TTBK2: variants seen among roughly 807,000 people sequenced by gnomAD.
TTBK2 encodes tau tubulin kinase 2.
Under a neutral mutation model 110.8 loss-of-function variants are expected in TTBK2, and 28 were observed. The observed-to-expected ratio is 0.25, with a 90% CI of 0.19 to 0.35. The LOEUF is 0.35. Among genes scored for constraint, TTBK2 ranks in the 10% least tolerant of loss-of-function variants. The pLI is 1.00. For missense variants in TTBK2, 1,369 were observed against 1,500.3 expected (o/e 0.91, Z 1.45); for synonymous variants, 532 against 527.3 (o/e 1.01, Z -0.12).
intron 13 of TTBK2, among the ~76,000 whole-genome samples, chr15:42,756,848 A>G (rs1192689579): frequency 6.6e-6 from 1 of 151,608 alleles, no homozygotes; most frequent in Non-Finnish European, 1.5e-5. Flanking sequence ...CCTGGGCAAC[A>G]TAGCAATACC....
intron 14 of TTBK2, among the ~76,000 whole-genome samples, chr15:42,746,722 T>A (rs553688292): frequency 1.7e-4 from 26 of 152,240 alleles, no homozygotes; most frequent in Admixed American, 5.9e-4. Context: ...TTTTTTTTTT[T>A]AATTTTCTTT....
chr15:42,891,612 C>T (rs1364567566), intron 1 of TTBK2, among the ~76,000 whole-genome samples: 1 of 152,044 alleles, frequency 6.6e-6, no homozygotes, highest in Non-Finnish European at 1.5e-5. Flanking sequence ...GGGTGGTGTA[C>T]CCTGGCTCCA....
chr15:42,815,958 A>AAAATATATATATATATATATATAT lies in TTBK2; in HGVS notation c.603+1073_603+1074insATATATATATATATATATATATTT, dbSNP rs71108183. On this transcript the variant is annotated intron_variant, in intron 7 of 14. Coordinates refer to ENST00000267890, the MANE Select transcript of TTBK2 (RefSeq NM_173500.4). ...TATATATATATATATTTAAAAAAAA[A>AAAATATATATATATATATATATAT]ATATATATATATATATATATTTGAG... 1.1e-4 allele frequency among the ~76,000 whole-genome samples: 10 copies of AAAATATATATATATATATATATAT among 91,690 alleles called. 1 individual carries two copies. The highest frequency in any genetic ancestry group is 5.6e-4 in the African/African-American group (9 of 16,138). The allele number at this position is 91,690 out of a possible 152,430, so 60.2% of individuals were successfully genotyped here. A position where few individuals can be genotyped will look rare whatever the true frequency, so the allele number is the denominator to read the frequency against.
chr15:42,832,135 C>T (rs565644146), intron 4 of TTBK2, among the ~76,000 whole-genome samples: 4 of 152,100 alleles, frequency 2.6e-5, no homozygotes, highest in East Asian at 1.9e-4. Flanking sequence ...GCACCTGTAG[C>T]GAACGTTAAA....
chr15:42,845,684 T>C (rs2141029793), intron 3 of TTBK2, among the ~76,000 whole-genome samples: 1 of 146,998 alleles, frequency 6.8e-6, no homozygotes, highest in Middle Eastern at 3.5e-3. Flanking sequence ...ATTTTCCATG[T>C]AAGCTAGGCA....
intron 13 of TTBK2, among the ~76,000 whole-genome samples, chr15:42,766,553 T>G (rs905465939): frequency 1.1e-4 from 17 of 148,130 alleles, no homozygotes; most frequent in African/African-American, 4.3e-4. Flanking sequence ...TACACAATGG[T>G]AAAGGGATCA....
chr15:42,788,401 T>C (rs1428579827), intron 10 of TTBK2, among the ~76,000 whole-genome samples: 1 of 152,170 alleles, frequency 6.6e-6, no homozygotes, highest in African/African-American at 2.4e-5. Context: ...AACATACATA[T>C]GATCTACCTT....
chr15:42,895,618 A>T (rs1446903861), intron 1 of TTBK2, among the ~76,000 whole-genome samples: 1 of 151,804 alleles, frequency 6.6e-6, no homozygotes, highest in Non-Finnish European at 1.5e-5. Context: ...GCTCACTGCA[A>T]GTTCCGCCTC....
chr15:42,840,339 T>C (rs749538601), intron 4 of TTBK2, 21 bp downstream of exon 4: 3 of 1,604,074 alleles, frequency 1.9e-6, no homozygotes, highest in Non-Finnish European at 1.7e-6. Flanking sequence ...AATTTAAAGA[T>C]ACGTTTTCAA....
At chr15:42,891,172 CTTTTTTTTTTT>C (rs758372860) in intron 1 of TTBK2, among the ~76,000 whole-genome samples, 1 of 125,746 alleles carries the variant, frequency 8.0e-6, no homozygotes, top group Non-Finnish European at 1.7e-5. Flanking sequence ...CCATGCCCGA[CTTTTTTTTTTT>C]TTTTTTTTTT....
chr15:42,920,116 G>A (rs530555460), intron 1 of TTBK2, among the ~76,000 whole-genome samples: 1 of 152,164 alleles, frequency 6.6e-6, no homozygotes, highest in African/African-American at 2.4e-5. Context: ...TACCAGAAGT[G>A]GCATGGGTAC....
At chr15:42,765,453 G>A (rs1469090983) in intron 13 of TTBK2, among the ~76,000 whole-genome samples, 3 of 152,146 alleles carry the variant, frequency 2.0e-5, no homozygotes, top group Admixed American at 6.6e-5. Context: ...ACCATGGCAC[G>A]AGAACTACAT....
At chr15:42,782,064 C>CATGTATAT (rs1216959209) in intron 11 of TTBK2, among the ~76,000 whole-genome samples, 1 of 151,794 alleles carries the variant, frequency 6.6e-6, no homozygotes, top group African/African-American at 2.4e-5. Flanking sequence ...TGCACTTTTT[C>CATGTATAT]ATGTATATAT....
chr15:42,777,137 T>C lies in TTBK2; in HGVS notation c.1303A>G (p.Arg435Gly). 1 of 1,613,968 alleles carries C rather than the reference T, an allele frequency of 6.2e-7. No homozygotes were observed. The highest frequency in any genetic ancestry group is 1.3e-5 in the African/African-American group (1 of 75,068). ...AACTTTCGCACCAGTGGAATATCTC[T>C]GTCTGGCTGAGTAATCTCTGAGCGG... ...RVRSEITQPD[R>G]DIPLVRKLRS... is the part of the protein sequence containing the mutation. Residue 435 changes from arginine to glycine, a missense_variant, in exon 12 of 15, where the codon AGA (arginine) becomes GGA (glycine). Transcript: ENST00000267890.
chr15:42,811,581 T>C (rs927042032), intron 8 of TTBK2, 107 bp downstream of exon 8: 9 of 826,236 alleles, frequency 1.1e-5, no homozygotes, highest in African/African-American at 5.1e-5. Flanking sequence ...GTGAAAATGC[T>C]TGTAGATTTT....
chr15:42,867,322 A>G (rs946383675), intron 3 of TTBK2, among the ~76,000 whole-genome samples: 6 of 151,984 alleles, frequency 3.9e-5, no homozygotes, highest in Non-Finnish European at 5.9e-5. Flanking sequence ...AGGAAACTAG[A>G]AAACAGAAAG....
At chr15:42,865,513 TAA>T (rs60116704) in intron 3 of TTBK2, among the ~76,000 whole-genome samples, 1 of 109,258 alleles carries the variant, frequency 9.2e-6, no homozygotes. Context: ...ATAATAATAC[TAA>T]AAAAAAAAAA....
chr15:42,765,682 G>T (rs1044126917), intron 13 of TTBK2, among the ~76,000 whole-genome samples: 1 of 152,212 alleles, frequency 6.6e-6, no homozygotes, highest in Non-Finnish European at 1.5e-5. Context: ...GAACCAAGCT[G>T]CAAAACACTC....
At chr15:42,801,196 G>T in intron 9 of TTBK2, 1 of 1,417,780 alleles carries the variant, frequency 7.1e-7, no homozygotes, top group Non-Finnish European at 9.8e-7. Flanking sequence ...CTCATGTTCT[G>T]CATCCCAGAC....
Sources: gnomAD v4.1 joint callset for allele counts (sites outside exome capture counted in the v4.1 genomes callset) on GRCh38, gnomAD v4.1.1 for gene constraint, MANE v1.5 for transcripts, NCBI Gene and HGNC (gene_info 2026-07-23, HGNC 2026-07-21) for gene names.